GLDC: variants seen among roughly 807,000 people sequenced by gnomAD.
The protein encoded by GLDC is glycine dehydrogenase (decarboxylating), mitochondrial.
In GLDC, 104 loss-of-function variants were observed where a neutral mutation model predicts 121.3. The ratio of observed to expected loss-of-function variants is 0.86; its 90% CI spans 0.73 to 1.01. GLDC has a LOEUF of 1.01. Ranked by LOEUF, GLDC falls within the 50% of genes least tolerant of loss-of-function variation. The pLI, the probability that GLDC is intolerant of heterozygous loss-of-function variation, is 0.00. For missense variants in GLDC, 1,429 were observed against 1,306.6 expected (o/e 1.09, Z -1.44); for synonymous variants, 546 against 480.6 (o/e 1.14, Z -1.78).
chr9:6,641,247 T>C (rs1819623945), intron 2 of GLDC, among the ~76,000 whole-genome samples: 1 of 152,240 alleles, frequency 6.6e-6, no homozygotes, highest in Non-Finnish European at 1.5e-5. Context: ...TAGCAGAGCA[T>C]CACTGCTCAT....
chr9:6,629,199 A>T (rs374859108), intron 2 of GLDC, among the ~76,000 whole-genome samples: 2 of 149,384 alleles, frequency 1.3e-5, no homozygotes, highest in East Asian at 2.0e-4. Context: ...TAGCAATAAG[A>T]TGATTTTGCT....
intron 15 of GLDC, among the ~76,000 whole-genome samples, chr9:6,570,876 T>TAACCC (rs1817950084): frequency 6.6e-6 from 1 of 150,762 alleles, no homozygotes; most frequent in Non-Finnish European, 1.5e-5. Context: ...AAAAAAAAGT[T>TAACCC]TCTCGGGGTA....
At chr9:6,588,743 A>G in intron 12 of GLDC, 41 bp from the exon 13 acceptor site, 1 of 1,134,434 alleles carries the variant, frequency 8.8e-7, no homozygotes, top group Non-Finnish European at 1.3e-6. Context: ...CCAAAAGTAG[A>G]TATGAGTCCA....
intron 15 of GLDC, among the ~76,000 whole-genome samples, chr9:6,582,760 C>T (rs540546946): frequency 2.0e-5 from 3 of 148,402 alleles, no homozygotes; most frequent in East Asian, 2.0e-4. Context: ...ACCCGGGAGG[C>T]GATCGTTGCA....
intron 4 of GLDC, among the ~76,000 whole-genome samples, chr9:6,608,667 A>T (rs1403905463): frequency 1.3e-5 from 2 of 152,006 alleles, no homozygotes; most frequent in Non-Finnish European, 2.9e-5. Flanking sequence ...AATGGCGTGA[A>T]CCCGGGAGGC....
chr9:6,546,370 T>C (rs967809177), intron 21 of GLDC, among the ~76,000 whole-genome samples: 1 of 151,190 alleles, frequency 6.6e-6, no homozygotes, highest in Non-Finnish European at 1.5e-5. Flanking sequence ...TTTTTCTTTT[T>C]TTTTTTTTTT....
intron 4 of GLDC, among the ~76,000 whole-genome samples, chr9:6,607,768 C>T (rs1033285589): frequency 1.3e-4 from 19 of 151,892 alleles, no homozygotes; most frequent in African/African-American, 2.7e-4. Flanking sequence ...CTCAGCACCC[C>T]GCCCCTACAT....
chr9:6,626,617 G>A (rs72695571), intron 2 of GLDC, among the ~76,000 whole-genome samples: 34,645 of 151,968 alleles, frequency 0.23, 3,887 homozygotes, highest in South Asian at 0.3. Flanking sequence ...CATCAGAGCT[G>A]CTATGGGGGA....
chr9:6,563,079 C>T (rs1282228263), intron 16 of GLDC, among the ~76,000 whole-genome samples: 1 of 152,176 alleles, frequency 6.6e-6, no homozygotes, highest in Non-Finnish European at 1.5e-5. Context: ...ACATCACACA[C>T]AGTGGGTGGA....
chr9:6,576,623 C>T (rs1818070864), intron 15 of GLDC, among the ~76,000 whole-genome samples: 1 of 152,088 alleles, frequency 6.6e-6, no homozygotes, highest in African/African-American at 2.4e-5. Context: ...CCTGCCACCA[C>T]ACCTGGCTAA....
intron 2 of GLDC, among the ~76,000 whole-genome samples, chr9:6,632,716 C>T (rs1025721): frequency 0.35 from 53,945 of 152,046 alleles, 11,369 homozygotes; most frequent in African/African-American, 0.58. Flanking sequence ...CCTCCTGAGG[C>T]GGGTCACTGA....
intron 8 of GLDC, among the ~76,000 whole-genome samples, chr9:6,601,238 C>T (rs1414191483): frequency 2.6e-5 from 4 of 152,154 alleles, no homozygotes; most frequent in Non-Finnish European, 5.9e-5. Context: ...CTACCACCAT[C>T]CCCTCAAGCA....
chr9:6,541,682 G>C (rs1817261893), intron 21 of GLDC: 1 of 151,836 alleles, frequency 6.6e-6, no homozygotes, highest in African/African-American at 2.4e-5. Flanking sequence ...ACAAAAATTA[G>C]CCAGGTGTAG....
chr9:6,554,430 T>C (rs557921274), intron 19 of GLDC, among the ~76,000 whole-genome samples: 1 of 152,236 alleles, frequency 6.6e-6, no homozygotes, highest in Non-Finnish European at 1.5e-5. Flanking sequence ...CTGCTGTCTA[T>C]GTGCAACTGG....
chr9:6,622,026 C>G (rs1400044418), intron 2 of GLDC, among the ~76,000 whole-genome samples: 5 of 152,068 alleles, frequency 3.3e-5, no homozygotes. Context: ...GTAGGTAAAG[C>G]AAAACCTAAG....
At chr9:6,618,089 G>T (rs1410176352) in intron 3 of GLDC, among the ~76,000 whole-genome samples, 3 of 152,040 alleles carry the variant, frequency 2.0e-5, no homozygotes, top group Non-Finnish European at 4.4e-5. Flanking sequence ...AATCACCTAG[G>T]AATTATCACC....
At position 6,545,448 on chromosome 9, in the gene GLDC, G is replaced by A. The variant is rs965878845; in HGVS notation, c.2570-5302C>T. Among the ~76,000 whole-genome samples, 11 of 152,124 alleles carry A rather than the reference G, an allele frequency of 7.2e-5. 1 individual carries two copies. Among genetic ancestry groups the A allele is most frequent in the Admixed American group, 7.2e-4 (11 of 15,266 alleles). ...ACATAAAAAATGGTACATCTGTGTA[G>A]GGCACTTACCATGAATGGAGCTTGC... On this transcript the variant is annotated intron_variant, in intron 21 of 24. Coordinates refer to ENST00000321612, the MANE Select transcript of GLDC (RefSeq NM_000170.3).
At chr9:6,567,741 G>A (rs187920101) in intron 15 of GLDC, among the ~76,000 whole-genome samples, 1 of 152,244 alleles carries the variant, frequency 6.6e-6, no homozygotes, top group East Asian at 1.9e-4. Flanking sequence ...AATCTTATCT[G>A]ACATTAATAT....
Position 6,550,887 on chromosome 9 carries a change from C to A in GLDC, c.2485G>T (p.Ala829Ser). Residue 829 changes from alanine (A) to serine (S), a missense_variant, in exon 21 of 25, where the codon GCC (alanine) becomes TCC (serine). Coordinates refer to ENST00000321612, the MANE Select transcript of GLDC (RefSeq NM_000170.3). ...KMMGGKGLKQ[A>S]TETAILNANY... ...GCATTTAATATCGCAGTTTCCGTGG[C>A]TTGTTTAAGACCCTTGCCTCCCATC... The A allele has an allele frequency of 6.2e-7, 1 of 1,612,886 alleles. No homozygotes were observed. The highest frequency in any genetic ancestry group is 8.5e-7 in the Non-Finnish European group (1 of 1,178,914).
Sources: gnomAD v4.1 joint callset for allele counts (sites outside exome capture counted in the v4.1 genomes callset) on GRCh38, gnomAD v4.1.1 for gene constraint, MANE v1.5 for transcripts, NCBI Gene and HGNC (gene_info 2026-07-23, HGNC 2026-07-21) for gene names.